Variants in CMIP observed in about 807,000 individuals in gnomAD.
CMIP encodes the protein c-Maf inducing protein, also known as C-Maf-inducing protein.
A neutral mutation model predicts 97.3 loss-of-function variants in CMIP; 13 were observed. That is an observed-to-expected ratio of 0.13 (90% CI 0.09 to 0.21). CMIP has a LOEUF of 0.21. Ranked by LOEUF, CMIP falls within the 10% of genes least tolerant of loss-of-function variation. The pLI is 1.00. For missense variants in CMIP, 847 were observed against 1,024.9 expected, an observed-to-expected ratio of 0.83 and a Z score of 2.37; for synonymous variants, 538 against 436.3, an observed-to-expected ratio of 1.23 and a Z score of -2.91.
At chr16:81,698,896 C>T (rs1306167037) in intron 14 of CMIP, among the ~76,000 whole-genome samples, 1 of 152,160 alleles carries the variant, frequency 6.6e-6, no homozygotes, top group African/African-American at 2.4e-5. Context: ...GTGTTTCAAA[C>T]ATCAGAACTT....
chr16:81,667,933 G>A (rs1461352196), intron 7 of CMIP, among the ~76,000 whole-genome samples: 3 of 151,776 alleles, frequency 2.0e-5, no homozygotes, highest in East Asian at 1.9e-4. Context: ...GCAGGCAGAC[G>A]AGTGAAAGCT....
chr16:81,638,395 C>T (rs922159421), intron 3 of CMIP, among the ~76,000 whole-genome samples: 1 of 152,156 alleles, frequency 6.6e-6, no homozygotes, highest in African/African-American at 2.4e-5. Context: ...AGCATCTTGA[C>T]ACAGGAATGA....
At chr16:81,528,413 C>T (rs1449138298) in intron 1 of CMIP, among the ~76,000 whole-genome samples, 3 of 152,062 alleles carry the variant, frequency 2.0e-5, no homozygotes, top group East Asian at 1.9e-4. Context: ...GACAGGGGCC[C>T]GGAGTGAGGT....
chr16:81,524,797 C>T lies in CMIP; in HGVS notation c.300+79256C>T, dbSNP rs1253766199. ...GGGAGCATTTTTATTTCTTTTCTTT[C>T]TTTTTTTTTTTTTTGAGATGGAGTC... On this transcript the variant is annotated intron_variant, in intron 1 of 20. Transcript: ENST00000537098. 1.5e-4 allele frequency among the ~76,000 whole-genome samples: 22 copies of T among 144,724 alleles called. No individual in the cohort carries two copies. The East Asian group carries it at 4.4e-3, about 29-fold the overall frequency. 94.9% of individuals were successfully genotyped at this position (144,724 alleles called of 152,430 possible).
At chr16:81,528,634 G>T (rs2090176031) in intron 1 of CMIP, among the ~76,000 whole-genome samples, 1 of 152,144 alleles carries the variant, frequency 6.6e-6, no homozygotes, top group Admixed American at 6.5e-5. Context: ...TTGGTTTGAG[G>T]TCACAGCTAC....
intron 4 of CMIP, among the ~76,000 whole-genome samples, chr16:81,653,847 A>G (rs1233807374): frequency 6.6e-6 from 1 of 152,214 alleles, no homozygotes; most frequent in Non-Finnish European, 1.5e-5. Flanking sequence ...TCCTGACTTC[A>G]AATGGTCCAT....
At chr16:81,611,111 T>G (rs767811584) in intron 2 of CMIP, among the ~76,000 whole-genome samples, 1 of 152,158 alleles carries the variant, frequency 6.6e-6, no homozygotes, top group African/African-American at 2.4e-5. Context: ...TTTAATTTAC[T>G]CATCAAATTA....
At chr16:81,702,068 G>T (rs1228544433) in intron 16 of CMIP, among the ~76,000 whole-genome samples, 1 of 152,144 alleles carries the variant, frequency 6.6e-6, no homozygotes, top group Non-Finnish European at 1.5e-5. Flanking sequence ...TTCCATTTCA[G>T]TACATGGGGG....
At chr16:81,557,614 A>G (rs1243460831) in intron 1 of CMIP, among the ~76,000 whole-genome samples, 4 of 152,194 alleles carry the variant, frequency 2.6e-5, no homozygotes, top group African/African-American at 9.7e-5. Flanking sequence ...TCTACAGAAA[A>G]AATGTTTTTA....
At chr16:81,503,229 C>A (rs914966865) in intron 1 of CMIP, among the ~76,000 whole-genome samples, 1 of 152,154 alleles carries the variant, frequency 6.6e-6, no homozygotes, top group African/African-American at 2.4e-5. Flanking sequence ...TACATGGTTA[C>A]CCTGCTCTGG....
chr16:81,629,466 C>T (rs912039320), intron 3 of CMIP, among the ~76,000 whole-genome samples: 1 of 152,228 alleles, frequency 6.6e-6, no homozygotes, highest in South Asian at 2.1e-4. Flanking sequence ...TAGCCCAGCT[C>T]ATCCCTTGGT....
chr16:81,459,052 C>T (rs1291044381), intron 1 of CMIP, among the ~76,000 whole-genome samples: 1 of 143,990 alleles, frequency 6.9e-6, no homozygotes, highest in Non-Finnish European at 1.6e-5. Context: ...CCATCACCAT[C>T]ACCATCACTG....
intron 1 of CMIP, among the ~76,000 whole-genome samples, chr16:81,566,854 T>C (rs1343094187): frequency 6.6e-6 from 1 of 152,232 alleles, no homozygotes; most frequent in Admixed American, 6.5e-5. Flanking sequence ...ATCTCACAGA[T>C]ATTATGTTGA....
At chr16:81,607,488 C>T in intron 1 of CMIP, 79 bp from the exon 2 acceptor site, 2 of 1,567,900 alleles carry the variant, frequency 1.3e-6, no homozygotes, top group South Asian at 1.1e-5. Flanking sequence ...GGCGATGTTT[C>T]CAAAACCGTC....
intron 1 of CMIP, among the ~76,000 whole-genome samples, chr16:81,450,868 C>A (rs1021676473): frequency 2.0e-5 from 3 of 152,202 alleles, no homozygotes; most frequent in Non-Finnish European, 4.4e-5. Flanking sequence ...CCACACAGCC[C>A]CTAGTGGCCC....
chr16:81,688,269 CATGAA>C (rs1905644740), intron 10 of CMIP, among the ~76,000 whole-genome samples: 1 of 152,238 alleles, frequency 6.6e-6, no homozygotes, highest in African/African-American at 2.4e-5. Flanking sequence ...GAGGCTCTTT[CATGAA>C]AGGGTTAAGT....
chr16:81,593,734 T>G (rs965559499), intron 1 of CMIP, among the ~76,000 whole-genome samples: 1 of 152,164 alleles, frequency 6.6e-6, no homozygotes, highest in African/African-American at 2.4e-5. Flanking sequence ...GGTGCCTGCC[T>G]GTAGCCTCTC....
chr16:81,566,136 G>C (rs1048414901), intron 1 of CMIP, among the ~76,000 whole-genome samples: 1 of 152,256 alleles, frequency 6.6e-6, no homozygotes, highest in African/African-American at 2.4e-5. Flanking sequence ...GTCCAGGGGA[G>C]ACAGAGGTGC....
At chr16:81,480,200 C>G (rs184993784) in intron 1 of CMIP, among the ~76,000 whole-genome samples, 148 of 152,262 alleles carry the variant, frequency 9.7e-4, no homozygotes, top group Non-Finnish European at 1.7e-3. Context: ...GATAGGGAAA[C>G]AGGTTATAGA....
Sources: gnomAD v4.1 joint callset for allele counts (sites outside exome capture counted in the v4.1 genomes callset) on GRCh38, gnomAD v4.1.1 for gene constraint, MANE v1.5 for transcripts, NCBI Gene and HGNC (gene_info 2026-07-23, HGNC 2026-07-21) for gene names.